Variants in URB2 observed in about 807,000 individuals in gnomAD.
URB2 encodes the protein unhealthy ribosome biogenesis protein 2 homolog.
Under a neutral mutation model 120.9 loss-of-function variants are expected in URB2, and 86 were observed. The observed-to-expected ratio is 0.71, with a 90% CI of 0.60 to 0.85. The LOEUF is 0.85. Among genes scored for constraint, URB2 ranks in the 40% least tolerant of loss-of-function variants. The pLI, the probability that URB2 is intolerant of heterozygous loss-of-function variation, is 0.00. For synonymous variants in URB2, 755 were observed against 758.4 expected (o/e 1.00, Z 0.07); for missense variants, 1,765 against 1,836.5 (o/e 0.96, Z 0.71).
intron 4 of URB2, among the ~76,000 whole-genome samples, chr1:229,639,394 G>C (rs1235173853): frequency 6.6e-6 from 1 of 150,472 alleles, no homozygotes; most frequent in Non-Finnish European, 1.5e-5. Context: ...GAGTGCAGTG[G>C]TGCAATCTCA....
chr1:229,653,942 T>TG (rs1451082802), intron 8 of URB2, among the ~76,000 whole-genome samples: 1 of 149,842 alleles, frequency 6.7e-6, no homozygotes, highest in Admixed American at 6.6e-5. Context: ...TGGTGTTTTT[T>TG]TTTTTTTTTT....
At chr1:229,628,245 C>T (rs1489300835) in intron 2 of URB2, among the ~76,000 whole-genome samples, 2 of 144,050 alleles carry the variant, frequency 1.4e-5, no homozygotes, top group South Asian at 2.1e-4. Flanking sequence ...ATATATTATA[C>T]ATATACATAT....
chr1:229,655,636 A>G (rs910306452), intron 9 of URB2, among the ~76,000 whole-genome samples: 6 of 152,230 alleles, frequency 3.9e-5, no homozygotes, highest in Non-Finnish European at 7.3e-5. Flanking sequence ...TTGTAAATCT[A>G]TGCTGTATAA....
At position 229,647,697 on chromosome 1, in the gene URB2, G is replaced by A. The variant is rs757732655; in HGVS notation, c.4094G>A (p.Ser1365Asn). Residue 1365 changes from serine (S) to asparagine (N), a missense_variant, in exon 7 of 10, where the codon AGC becomes AAC. Coordinates refer to ENST00000258243, the MANE Select transcript of URB2 (RefSeq NM_014777.4). ...CATCTGAAGCCGCTGGAGTATGGAA[G>A]CGTCTTCCCGAGGCTGCACAACGTG... The part of the protein sequence containing the change: ...LDHLKPLEYG[S>N]VFPRLHNVLF... The A allele has an allele frequency of 6.2e-7, 1 of 1,614,144 alleles. No individual in the cohort carries two copies. Among genetic ancestry groups the A allele is most frequent in the South Asian group, 1.1e-5 (1 of 91,080 alleles).
intron 6 of URB2, among the ~76,000 whole-genome samples, chr1:229,646,920 A>G (rs1056671400): frequency 6.6e-6 from 1 of 152,164 alleles, no homozygotes; most frequent in African/African-American, 2.4e-5. Flanking sequence ...CAGACTTAAT[A>G]TTCTCTCTTG....
In URB2 at chr1:229,636,037, G is replaced by A; in HGVS notation, c.1424G>A (p.Gly475Glu). Reference protein sequence around the residue: ...QVPRLFEEVLGVICRPAAEAL... With the variant: ...QVPRLFEEVLEVICRPAAEAL... ...CCACGGTTGTTTGAAGAGGTTTTGG[G>A]GGTGATCTGTCGTCCAGCTGCTGAG... Residue 475 changes from glycine (G) to glutamate (E), a missense_variant, in exon 4 of 10, where the codon GGG becomes GAG. Gly to Glu is a moderately conservative substitution (Grantham distance 98, BLOSUM62 -2). Coordinates refer to ENST00000258243, the MANE Select transcript of URB2 (RefSeq NM_014777.4). 6.2e-7 allele frequency: 1 copy of A among 1,614,120 alleles called. No homozygotes were observed.
chr1:229,628,163 T>TATATATATTATACATATAC (rs1665566800), intron 2 of URB2, among the ~76,000 whole-genome samples: 1 of 109,408 alleles, frequency 9.1e-6, no homozygotes, highest in African/African-American at 3.7e-5. Context: ...ATAGTATATG[T>TATATATATTATACATATAC]ATAGTATATA....
At chr1:229,653,867 G>T (rs1309962084) in intron 8 of URB2, among the ~76,000 whole-genome samples, 1 of 147,368 alleles carries the variant, frequency 6.8e-6, no homozygotes, top group African/African-American at 2.5e-5. Flanking sequence ...GTCGGTAGAT[G>T]ATTTTCTCCA....
chr1:229,637,200 G>A lies in URB2; in HGVS notation c.2587G>A (p.Gly863Ser), dbSNP rs1298962057. 3 of 1,613,574 alleles carry A rather than the reference G, an allele frequency of 1.9e-6. No homozygotes were observed. The African/African-American group carries it at 4.0e-5, about 22-fold the overall frequency. ...CAGATTTGCAAAAGCTGGACCCGAA[G>A]GTATAGAACCTAGAGGAGAAATTGC... is the stretch of plus-strand genomic sequence containing the variant. ...ENRFAKAGPE[G>S]IEPRGEIAQN... is the part of the protein sequence containing the mutation. Residue 863 changes from glycine to serine, a missense_variant, in exon 4 of 10, where the codon GGT becomes AGT. Gly to Ser is a moderately conservative substitution (Grantham distance 56). Coordinates refer to ENST00000258243, the MANE Select transcript of URB2 (RefSeq NM_014777.4).
intron 7 of URB2, 153 bp from the exon 8 acceptor site, chr1:229,651,081 CA>C (rs1666259411): frequency 1.9e-6 from 1 of 516,020 alleles, no homozygotes; most frequent in Non-Finnish European, 3.2e-6. Flanking sequence ...GCAGCATGTC[CA>C]GGCGAAAGGA....
chr1:229,639,756 C>T (rs1031655016), intron 4 of URB2, among the ~76,000 whole-genome samples: 4 of 152,142 alleles, frequency 2.6e-5, no homozygotes, highest in African/African-American at 9.7e-5. Flanking sequence ...CTCACTGGAC[C>T]AAGGCTAACC....
chr1:229,643,614 C>G lies in URB2; in HGVS notation c.3716C>G (p.Thr1239Arg), dbSNP rs199788278. The G allele has an allele frequency of 5.6e-6, 9 of 1,614,204 alleles. No individual in the cohort carries two copies. Among genetic ancestry groups the G allele is most frequent in the Non-Finnish European group, 7.6e-6 (9 of 1,180,042 alleles). The change falls in exon 5 of 10, where the codon ACG becomes AGG. Residue 1239 changes from threonine (T) to arginine (R), a missense_variant. Thr to Arg is a moderately conservative substitution (Grantham distance 71). Coordinates refer to ENST00000258243, the MANE Select transcript of URB2 (RefSeq NM_014777.4). ...ALFTQMLEVG[T>R]TEDLRLVMQC... is the part of the protein sequence containing the mutation. ...TTCACCCAAATGTTAGAGGTTGGGACGACAGAGGACTTGAGGCTGGTGATG... is the reference window on the plus strand; with the variant it reads ...TTCACCCAAATGTTAGAGGTTGGGAGGACAGAGGACTTGAGGCTGGTGATG...
rs767920784 is a variant in URB2 at position 229,647,674 on chromosome 1, T to G, written c.4071T>G (p.His1357Gln). 3.1e-6 allele frequency: 5 copies of G among 1,614,050 alleles called. No individual in the cohort carries two copies. In the East Asian group the frequency reaches 1.1e-4, roughly 36 times the overall value. ...TCCTTCTCACTGTCCCTTTGGACCA[T>G]CTGAAGCCGCTGGAGTATGGAAGCG... ...FSILLTVPLD[H>Q]LKPLEYGSVF... The change falls in exon 7 of 10, where the codon CAT becomes CAG. Residue 1357 changes from histidine (H) to glutamine (Q), a missense_variant. His to Gln is a conservative substitution (Grantham distance 24). Transcript: ENST00000258243.
chr1:229,636,067 T>G lies in URB2; in HGVS notation c.1454T>G (p.Leu485Arg). The G allele has an allele frequency of 6.2e-7, 1 of 1,614,232 alleles. No homozygotes were observed. The highest frequency in any genetic ancestry group is 8.5e-7 in the Non-Finnish European group (1 of 1,180,034). ...ATCTGTCGTCCAGCTGCTGAGGCAC[T>G]GAGGCAGCCTGTGCTGGCCTCGGGC... ...GVICRPAAEA[L>R]RQPVLASGPS... The change falls in exon 4 of 10, where the codon CTG (leucine) becomes CGG (arginine). Residue 485 changes from leucine (L) to arginine (R), a missense_variant. Physicochemically the swap from Leu to Arg is moderately radical, Grantham distance 102. Coordinates refer to ENST00000258243, the MANE Select transcript of URB2 (RefSeq NM_014777.4).
At chr1:229,646,022 A>G (rs1571878672) in intron 6 of URB2, 53 bp downstream of exon 6, 1 of 1,562,392 alleles carries the variant, frequency 6.4e-7, no homozygotes, top group Non-Finnish European at 8.8e-7. Context: ...CTCTTCCTGT[A>G]AAGACAGAAG....
At position 229,636,093 on chromosome 1, in the gene URB2, C is replaced by G; in HGVS notation, c.1480C>G (p.Pro494Ala). The G allele has an allele frequency of 2.5e-6, 4 of 1,614,246 alleles. No individual in the cohort carries two copies. Among genetic ancestry groups the G allele is most frequent in the Non-Finnish European group, 3.4e-6 (4 of 1,180,042 alleles). The change falls in exon 4 of 10, where the codon CCC (proline) becomes GCC (alanine). Residue 494 changes from proline to alanine, a missense_variant. Transcript: ENST00000258243. ...GAGGCAGCCTGTGCTGGCCTCGGGC[C>G]CCTCCACGGTACTCTCTGCATGCCT... ...ALRQPVLASGPSTVLSACLLE... is the reference protein window; with the variant it reads ...ALRQPVLASGASTVLSACLLE...
intron 2 of URB2, among the ~76,000 whole-genome samples, chr1:229,631,022 A>C (rs1186978808): frequency 6.7e-6 from 1 of 149,404 alleles, no homozygotes; most frequent in Non-Finnish European, 1.5e-5. Flanking sequence ...CCTGAATGGC[A>C]TCTTCCAATA....
chr1:229,632,290 C>T lies in URB2; in HGVS notation c.148C>T (p.Gln50Ter). 1 of 1,572,138 alleles carries T rather than the reference C, an allele frequency of 6.4e-7. No individual in the cohort carries two copies. The highest frequency in any genetic ancestry group is 8.6e-7 in the Non-Finnish European group (1 of 1,166,182). The change falls in exon 3 of 10, where the codon CAA becomes TAA. Residue 50 changes from glutamine to a stop codon, truncating the protein, a stop_gained. Transcript: ENST00000258243. LOFTEE classifies it high-confidence loss of function. ...TCAGGTGTTACTTGATTGGGCAAGA[C>T]AATCATTGGTTGCATTTTATAAGAA... The part of the protein sequence containing the change: ...KEQVLLDWAR[Q>*]SLVAFYKKKL...
chr1:229,630,931 G>T (rs1299439496), intron 2 of URB2, among the ~76,000 whole-genome samples: 1 of 137,134 alleles, frequency 7.3e-6, no homozygotes, highest in Non-Finnish European at 1.5e-5. Flanking sequence ...GCAGTGAGCC[G>T]AGATCGCGCC....
Sources: gnomAD v4.1 joint callset for allele counts (sites outside exome capture counted in the v4.1 genomes callset) on GRCh38, gnomAD v4.1.1 for gene constraint, MANE v1.5 for transcripts, NCBI Gene and HGNC (gene_info 2026-07-23, HGNC 2026-07-21) for gene names.